The following SPSB1 variants were observed in gnomAD, a reference collection of about 807,000 sequenced individuals.
SPSB1 encodes the protein splA/ryanodine receptor domain and SOCS box containing 1.
In SPSB1, 8 loss-of-function variants were observed where a neutral mutation model predicts 21.2. The ratio of observed to expected loss-of-function variants is 0.38; its 90% CI spans 0.22 to 0.68. SPSB1 has a LOEUF of 0.68. Among genes scored for constraint, SPSB1 ranks in the 30% least tolerant of loss-of-function variants. SPSB1 has a pLI of 0.53. For synonymous variants in SPSB1, 169 were observed against 161.7 expected (o/e 1.05, Z -0.34); for missense variants, 242 against 377.8 (o/e 0.64, Z 2.98).
intron 1 of SPSB1, among the ~76,000 whole-genome samples, chr1:9,320,324 CTG>C (rs1480803926): frequency 2.0e-5 from 3 of 152,206 alleles, no homozygotes; most frequent in Non-Finnish European, 4.4e-5. Flanking sequence ...TCCTCTGTGT[CTG>C]TGTCGCCTCC....
Position 9,356,131 on chromosome 1 carries a change from G to A in SPSB1, c.240G>A (p.Val80=), listed in dbSNP as rs1640358062. The change falls in exon 2 of 3, where the codon GTG becomes GTA. Residue 80 remains valine (V), a synonymous_variant. Coordinates refer to ENST00000328089, the MANE Select transcript of SPSB1 (RefSeq NM_025106.4). This position sits in a 1 kb window ranked among gnomAD's most constrained non-coding sequence, Gnocchi z 7.4. ...DDKLIFHRHP[V]AQSTDAIRGK... is the part of the protein sequence containing the mutation. ...AGCTCATCTTTCACCGGCATCCGGT[G>A]GCCCAGAGCACGGACGCTATCAGGG... 2.5e-6 allele frequency: 4 copies of A among 1,599,556 alleles called. No individual in the cohort carries two copies. The highest frequency in any genetic ancestry group is 3.4e-6 in the Non-Finnish European group (4 of 1,169,908).
intron 1 of SPSB1, among the ~76,000 whole-genome samples, chr1:9,336,693 C>T (rs566645414): frequency 2.6e-5 from 4 of 152,332 alleles, no homozygotes; most frequent in East Asian, 1.9e-4. Flanking sequence ...AACTCCTGGC[C>T]GGCTCGGGCA....
chr1:9,317,506 CAG>C lies in SPSB1; in HGVS notation c.-150+24438_-150+24439del, dbSNP rs1264611781. ...GGTTTTTTGTCGTTTGTTTTTGAGA[CAG>C]AGTCTTGCTTTGTCACCCAGGCTGG... is the stretch of plus-strand genomic sequence containing the variant. On this transcript the variant is annotated intron_variant, in intron 1 of 2. Coordinates refer to ENST00000328089, the MANE Select transcript of SPSB1 (RefSeq NM_025106.4). The surrounding 1 kb of genome is among the most constrained non-coding windows in gnomAD (Gnocchi z 4.3). Among the ~76,000 whole-genome samples the C allele has an allele frequency of 2.0e-5, 3 of 152,242 alleles. No homozygotes were observed. Among genetic ancestry groups the C allele is most frequent in the Admixed American group, 1.3e-4 (2 of 15,288 alleles).
intron 1 of SPSB1, among the ~76,000 whole-genome samples, chr1:9,340,759 G>C (rs1350297210): frequency 6.6e-6 from 1 of 152,244 alleles, no homozygotes; most frequent in Non-Finnish European, 1.5e-5. Context: ...ACATGCTGCT[G>C]TTTTTTATTT....
At chr1:9,299,784 T>G (rs1639295817) in intron 1 of SPSB1, among the ~76,000 whole-genome samples, 3 of 151,870 alleles carry the variant, frequency 2.0e-5, no homozygotes, top group Non-Finnish European at 4.4e-5. Context: ...CGGGCCGACA[T>G]CATCTCTATA....
intron 1 of SPSB1, among the ~76,000 whole-genome samples, chr1:9,330,602 C>T (rs13373777): frequency 0.024 from 3,728 of 152,216 alleles, 61 homozygotes; most frequent in Non-Finnish European, 0.036. Flanking sequence ...TCACCCGACA[C>T]GTTTGGGGGA....
chr1:9,302,050 AG>A, intron 1 of SPSB1, among the ~76,000 whole-genome samples: 1 of 152,286 alleles, frequency 6.6e-6, no homozygotes, highest in Admixed American at 6.5e-5. Context: ...TTCACAACCA[AG>A]GAAGTGTGGC....
intron 1 of SPSB1, among the ~76,000 whole-genome samples, chr1:9,336,522 G>C (rs547592634): frequency 2.0e-5 from 3 of 152,026 alleles, no homozygotes; most frequent in Admixed American, 6.6e-5. Flanking sequence ...CACCACGTCC[G>C]GCTCCTCCTC....
Position 9,367,337 on chromosome 1 carries a change from T to G in SPSB1, c.695-111T>G, listed in dbSNP as rs1640590982. On this transcript the variant is annotated intron_variant, in intron 2 of 2. Coordinates refer to ENST00000328089, the MANE Select transcript of SPSB1 (RefSeq NM_025106.4). The surrounding 1 kb of genome is among the most constrained non-coding windows in gnomAD (Gnocchi z 5.9). ...AAAGCATTGCATTTTTCATTGTTTC[T>G]TTACTGATTTGAGTGAATACTAATC... is the stretch of plus-strand genomic sequence containing the variant. 11 of 1,549,074 alleles carry G rather than the reference T, an allele frequency of 7.1e-6. No individual in the cohort carries two copies. Among genetic ancestry groups the G allele is most frequent in the African/African-American group, 2.7e-5 (2 of 73,470 alleles).
chr1:9,323,021 C>T (rs1057394171), intron 1 of SPSB1, among the ~76,000 whole-genome samples: 1 of 152,248 alleles, frequency 6.6e-6, no homozygotes, highest in African/African-American at 2.4e-5. Context: ...ACCTTCCCCA[C>T]GGTGACAGTG....
At chr1:9,339,324 G>A (rs948839006) in intron 1 of SPSB1, 34 of 984,210 alleles carry the variant, frequency 3.5e-5, no homozygotes, top group East Asian at 1.1e-4. Flanking sequence ...GGGTGGTCTC[G>A]GGTGGGGCGT....
intron 1 of SPSB1, among the ~76,000 whole-genome samples, chr1:9,312,000 C>T (rs1639528491): frequency 6.6e-6 from 1 of 151,924 alleles, no homozygotes; most frequent in Non-Finnish European, 1.5e-5. Flanking sequence ...TTGGTGTAAC[C>T]GTTGGCCCTG....
intron 1 of SPSB1, chr1:9,339,336 G>C (rs1187463760): frequency 2.0e-6 from 2 of 978,574 alleles, no homozygotes; most frequent in African/African-American, 3.5e-5. Flanking sequence ...GTGGGGCGTG[G>C]ACTTCAGCTA....
In SPSB1 at chr1:9,367,704, C is replaced by T. The variant is rs1640601984; in HGVS notation, c.*129C>T. 2.9e-6 allele frequency: 4 copies of T among 1,378,842 alleles called. No homozygotes were observed. The highest frequency in any genetic ancestry group is 1.5e-5 in the South Asian group (1 of 67,264). 85.4% of individuals were successfully genotyped at this position (1,378,842 alleles called of 1,614,324 possible). On this transcript the variant is annotated 3_prime_UTR_variant, in exon 3 of 3. Transcript: ENST00000328089. The surrounding 1 kb of genome is among the most constrained non-coding windows in gnomAD (Gnocchi z 5.9). ...CCATGGACAGAGGTCCCTGGTCTTC[C>T]CTCATCCTCCGTGGCTGCCTCCATG...
Position 9,356,473 on chromosome 1 carries a change from A to G in SPSB1, c.582A>G (p.Gly194=). The G allele has an allele frequency of 6.2e-7, 1 of 1,614,022 alleles. No individual in the cohort carries two copies. The highest frequency in any genetic ancestry group is 8.5e-7 in the Non-Finnish European group (1 of 1,180,022). Residue 194 remains glycine (G), a synonymous_variant, in exon 2 of 3, where the codon GGA becomes GGG. Coordinates refer to ENST00000328089, the MANE Select transcript of SPSB1 (RefSeq NM_025106.4). The surrounding 1 kb of genome is among the most constrained non-coding windows in gnomAD (Gnocchi z 7.4). The stretch of plus-strand genomic sequence containing the variant: ...GGACTCTGAGCTTCATTGTGGATGG[A>G]CAGTACATGGGAGTGGCTTTTCGGG... ...DDGTLSFIVD[G]QYMGVAFRGL...
In SPSB1 at chr1:9,313,322, C is replaced by T. The variant is rs532701080; in HGVS notation, c.-150+20251C>T. ...GGCTGAGGCAGGAAAATCGCTTGGACCCGGGAGGCAGAGGCTGCAGTGAGC... is the reference window on the plus strand; with the variant it reads ...GGCTGAGGCAGGAAAATCGCTTGGATCCGGGAGGCAGAGGCTGCAGTGAGC... On this transcript the variant is annotated intron_variant, in intron 1 of 2. Coordinates refer to ENST00000328089, the MANE Select transcript of SPSB1 (RefSeq NM_025106.4). 2.4e-3 allele frequency among the ~76,000 whole-genome samples: 362 copies of T among 152,288 alleles called. 1 individual carries two copies. The highest frequency in any genetic ancestry group is 3.3e-3 in the Non-Finnish European group (227 of 68,034).
chr1:9,299,796 A>AT lies in SPSB1; in HGVS notation c.-150+6739dup, dbSNP rs879808630. On this transcript the variant is annotated intron_variant, in intron 1 of 2. Coordinates refer to ENST00000328089, the MANE Select transcript of SPSB1 (RefSeq NM_025106.4). ...GCCCGGGCCGACATCATCTCTATAA[A>AT]TTTTTTTTTTTTTTAAATTAGCCAG... Among the ~76,000 whole-genome samples, 154 of 145,842 alleles carry AT rather than the reference A, an allele frequency of 1.1e-3. 1 individual carries two copies. The South Asian group carries it at 0.013, about 12-fold the overall frequency.
At chr1:9,307,362 G>C (rs955989114) in intron 1 of SPSB1, among the ~76,000 whole-genome samples, 2 of 152,152 alleles carry the variant, frequency 1.3e-5, no homozygotes, top group African/African-American at 4.8e-5. Context: ...TCTTCATCCC[G>C]CCGGAAGGAA....
In SPSB1 at chr1:9,367,604, G is replaced by A. The variant is rs1166581909; in HGVS notation, c.*29G>A. 2 of 1,562,834 alleles carry A rather than the reference G, an allele frequency of 1.3e-6. No homozygotes were observed. Among genetic ancestry groups the A allele is most frequent in the Admixed American group, 1.9e-5 (1 of 53,432 alleles). On this transcript the variant is annotated 3_prime_UTR_variant, in exon 3 of 3. Transcript: ENST00000328089. This position sits in a 1 kb window ranked among gnomAD's most constrained non-coding sequence, Gnocchi z 5.9. Reference sequence around the variant, plus strand: ...TCGCCATCATACCGCCAGCGCGACAGCCACCTGGTGCCAACTCACTGAGCC... The same window carrying A: ...TCGCCATCATACCGCCAGCGCGACAACCACCTGGTGCCAACTCACTGAGCC...
Sources: gnomAD v4.1 joint callset for allele counts (sites outside exome capture counted in the v4.1 genomes callset) on GRCh38, gnomAD v4.1.1 for gene constraint, Gnocchi (gnomAD v3.1) non-coding constraint, MANE v1.5 for transcripts, NCBI Gene and HGNC (gene_info 2026-07-23, HGNC 2026-07-21) for gene names.